Variants in MET observed in about 807,000 individuals in gnomAD.
MET encodes the protein MET proto-oncogene, receptor tyrosine kinase.
A neutral mutation model predicts 133.1 loss-of-function variants in MET; 48 were observed. The ratio of observed to expected loss-of-function variants is 0.36; its 90% CI spans 0.29 to 0.46. The LOEUF (loss-of-function observed/expected upper bound fraction) is 0.46, where lower values mean the gene tolerates loss of function less well. Ranked by LOEUF, MET falls within the 20% of genes least tolerant of loss-of-function variation. The pLI is 1.00. For synonymous variants in MET, 628 were observed against 616.5 expected (o/e 1.02, Z -0.28); for missense variants, 1,442 against 1,695.9 (o/e 0.85, Z 2.63).
intron 1 of MET, among the ~76,000 whole-genome samples, chr7:116,675,803 TGA>T (rs1035193531): frequency 2.0e-5 from 3 of 151,882 alleles, no homozygotes; most frequent in Admixed American, 6.6e-5. Context: ...TTCTTTGTAG[TGA>T]GACATACCGA....
At chr7:116,795,072 T>G (rs1224167187) in intron 19 of MET, among the ~76,000 whole-genome samples, 2 of 152,232 alleles carry the variant, frequency 1.3e-5, no homozygotes, top group African/African-American at 4.8e-5. Context: ...CTTTCACATC[T>G]TCATGTGACA....
chr7:116,797,811 A>G lies in MET; in HGVS notation c.*1687A>G, dbSNP rs1338193883. ...TACACCCCACCCTCATTACATCATC[A>G]GGACTTGAAGCCAAGGGTTAACCCA... On this transcript the variant is annotated 3_prime_UTR_variant, in exon 21 of 21. Transcript: ENST00000397752. 4 of 224,746 alleles carry G rather than the reference A, an allele frequency of 1.8e-5. No homozygotes were observed. In the South Asian group the frequency reaches 7.3e-4, roughly 41 times the overall value. The allele number at this position is 224,746 out of a possible 1,614,324, so 13.9% of individuals were successfully genotyped here. A position where few individuals can be genotyped will look rare whatever the true frequency, so the allele number is the denominator to read the frequency against.
chr7:116,745,320 G>C (rs1793625199), intron 5 of MET, among the ~76,000 whole-genome samples: 1 of 152,136 alleles, frequency 6.6e-6, no homozygotes, highest in Admixed American at 6.5e-5. Flanking sequence ...CTCATGGATA[G>C]GAAGAATCAA....
At chr7:116,765,885 A>G (rs1210681259) in intron 11 of MET, among the ~76,000 whole-genome samples, 1 of 152,158 alleles carries the variant, frequency 6.6e-6, no homozygotes, top group Non-Finnish European at 1.5e-5. Context: ...TGGGTCACCC[A>G]GGAAGCAAAG....
intron 10 of MET, 90 bp from the exon 11 acceptor site, chr7:116,762,960 T>G: frequency 9.2e-7 from 1 of 1,085,344 alleles, no homozygotes; most frequent in African/African-American, 1.6e-5. Flanking sequence ...ATTATATATT[T>G]TCAATTGATT....
Position 116,699,483 on chromosome 7 carries a change from T to C in MET, c.399T>C (p.Cys133=), listed in dbSNP as rs750188400. The C allele has an allele frequency of 6.2e-7, 1 of 1,614,032 alleles. No individual in the cohort carries two copies. The highest frequency in any genetic ancestry group is 2.2e-5 in the East Asian group (1 of 44,880). The change falls in exon 2 of 21, where the codon TGT becomes TGC. Residue 133 remains cysteine, a synonymous_variant. Transcript: ENST00000397752. ...ACTATGATGATCAACTCATTAGCTGTGGCAGCGTCAACAGAGGGACCTGCC... is the reference window on the plus strand; with the variant it reads ...ACTATGATGATCAACTCATTAGCTGCGGCAGCGTCAACAGAGGGACCTGCC... The part of the protein sequence containing the change: ...DTYYDDQLIS[C]GSVNRGTCQR...
intron 2 of MET, among the ~76,000 whole-genome samples, chr7:116,706,907 T>A (rs867225791): frequency 1.3e-4 from 20 of 150,614 alleles, no homozygotes; most frequent in Admixed American, 4.0e-4. Flanking sequence ...TTTTTTTTTT[T>A]AAATAGTATA....
rs1484732727 is a variant in MET at position 116,755,458 on chromosome 7, G to T, written c.1805G>T (p.Arg602Ile). Residue 602 changes from arginine to isoleucine, a missense_variant, in exon 6 of 21, where the codon AGA becomes ATA. By Grantham distance (97) the Arg-to-Ile change is moderately conservative (BLOSUM62 -3). Coordinates refer to ENST00000397752, the MANE Select transcript of MET (RefSeq NM_000245.4). ...RNNKFDLKKT[R>I]VLLGNESCTL... ...AATAAATTTGATTTAAAGAAAACTA[G>T]AGTTCTCCTTGGAAATGAGAGCTGC... The T allele has an allele frequency of 6.2e-7, 1 of 1,614,134 alleles. No homozygotes were observed. The highest frequency in any genetic ancestry group is 8.5e-7 in the Non-Finnish European group (1 of 1,180,016).
rs149838222 is a variant in MET, at chr7:116,713,431, A to C, written c.1200+13147A>C. 1.2e-4 allele frequency among the ~76,000 whole-genome samples: 19 copies of C among 152,028 alleles called. No homozygotes were observed. In the East Asian group the frequency reaches 3.7e-3, roughly 29 times the overall value. Reference sequence around the variant, plus strand: ...AAAAAGGAAAAGAAGTTAAGGGCAAAGGTCTTTATCAACACCATCCTTCCT... The same window carrying C: ...AAAAAGGAAAAGAAGTTAAGGGCAACGGTCTTTATCAACACCATCCTTCCT... On this transcript the variant is annotated intron_variant, in intron 2 of 20. Transcript: ENST00000397752.
chr7:116,705,703 A>G (rs186724809), intron 2 of MET, among the ~76,000 whole-genome samples: 10 of 152,284 alleles, frequency 6.6e-5, no homozygotes, highest in Admixed American at 5.9e-4. Context: ...TTTTTAAAAA[A>G]TGTAAGTAAA....
At chr7:116,693,441 T>C (rs925923114) in intron 1 of MET, among the ~76,000 whole-genome samples, 4 of 152,090 alleles carry the variant, frequency 2.6e-5, no homozygotes, top group Non-Finnish European at 5.9e-5. Flanking sequence ...ACACAGCTGG[T>C]TCAGCATTAT....
intron 1 of MET, among the ~76,000 whole-genome samples, chr7:116,682,483 G>A (rs768648038): frequency 2.0e-5 from 3 of 152,034 alleles, no homozygotes; most frequent in Non-Finnish European, 4.4e-5. Flanking sequence ...CAATAAAACC[G>A]GTTTTGAAAT....
At chr7:116,705,953 A>G (rs1791773052) in intron 2 of MET, among the ~76,000 whole-genome samples, 1 of 152,112 alleles carries the variant, frequency 6.6e-6, no homozygotes, top group African/African-American at 2.4e-5. Context: ...AAAACATGTT[A>G]CAAAATGAAC....
intron 10 of MET, among the ~76,000 whole-genome samples, chr7:116,760,760 T>C (rs549056527): frequency 9.8e-5 from 15 of 152,324 alleles, no homozygotes; most frequent in African/African-American, 3.4e-4. Context: ...ATCAGCCACA[T>C]TGCATCACCT....
rs1247472138 is a variant in MET, at chr7:116,771,537, A to G, written c.2770A>G (p.Ile924Val). The change falls in exon 13 of 21, where the codon ATA (isoleucine) becomes GTA (valine). Residue 924 changes from isoleucine (I) to valine (V), a missense_variant. Physicochemically the swap from Ile to Val is conservative, Grantham distance 29. Transcript: ENST00000397752. ...TTCTTCAACCGTCCTTGGAAAAGTA[A>G]TAGTTCAACCAGATCAGAATTTCAC... ...AISSTVLGKV[I>V]VQPDQNFTGL... 6.2e-7 allele frequency: 1 copy of G among 1,613,942 alleles called. No individual in the cohort carries two copies. Among genetic ancestry groups the G allele is most frequent in the South Asian group, 1.1e-5 (1 of 91,080 alleles).
chr7:116,737,543 A>G (rs1439231722), intron 3 of MET, among the ~76,000 whole-genome samples: 2 of 152,198 alleles, frequency 1.3e-5, no homozygotes, highest in Non-Finnish European at 2.9e-5. Context: ...CTCTGTGGAA[A>G]TCTGACTCAT....
chr7:116,701,187 T>C (rs940974480), intron 2 of MET, among the ~76,000 whole-genome samples: 11 of 152,198 alleles, frequency 7.2e-5, no homozygotes, highest in African/African-American at 2.7e-4. Context: ...TGAGTGTTTA[T>C]TGTGGCTTTG....
intron 2 of MET, among the ~76,000 whole-genome samples, chr7:116,723,103 T>C (rs1792567442): frequency 7.3e-6 from 1 of 137,542 alleles, no homozygotes; most frequent in Non-Finnish European, 1.6e-5. Context: ...ATTCTCCCCA[T>C]CACTTTCAGG....
intron 2 of MET, among the ~76,000 whole-genome samples, chr7:116,715,913 TG>T (rs1363928898): frequency 6.6e-6 from 1 of 152,072 alleles, no homozygotes; most frequent in Admixed American, 6.5e-5. Flanking sequence ...GGAATCAGAT[TG>T]TAGGAGGCCA....
Sources: gnomAD v4.1 joint callset for allele counts (sites outside exome capture counted in the v4.1 genomes callset) on GRCh38, gnomAD v4.1.1 for gene constraint, MANE v1.5 for transcripts, NCBI Gene and HGNC (gene_info 2026-07-23, HGNC 2026-07-21) for gene names.